Variants in SLC5A11 observed in about 807,000 individuals in gnomAD.
SLC5A11 encodes sodium/myo-inositol cotransporter 2.
A neutral mutation model predicts 69.8 loss-of-function variants in SLC5A11; 48 were observed. That is an observed-to-expected ratio of 0.69 (90% CI 0.55 to 0.87). The LOEUF is 0.87. Among genes scored for constraint, SLC5A11 ranks in the 40% least tolerant of loss-of-function variants. The probability of loss-of-function intolerance (pLI) is 0.00; values close to 1 mark genes in which losing one functional copy is unlikely to be tolerated. For synonymous variants in SLC5A11, 319 were observed against 342.4 expected (o/e 0.93, Z 0.75); for missense variants, 784 against 866.1 (o/e 0.91, Z 1.19).
intron 1 of SLC5A11, among the ~76,000 whole-genome samples, chr16:24,853,416 TAATA>T (rs1212141517): frequency 6.6e-6 from 1 of 152,170 alleles, no homozygotes; most frequent in African/African-American, 2.4e-5. Context: ...CGCTGGTGAC[TAATA>T]AATGTTCCAC....
intron 9 of SLC5A11, among the ~76,000 whole-genome samples, 194 bp downstream of exon 10, chr16:24,891,268 AGCT>A (rs1218522496): frequency 6.6e-6 from 1 of 150,862 alleles, no homozygotes; most frequent in Non-Finnish European, 1.5e-5. Context: ...ACAAATCCAA[AGCT>A]GCTGATATTT....
At chr16:24,855,170 G>GT (rs1391645347) in intron 1 of SLC5A11, among the ~76,000 whole-genome samples, 1 of 152,076 alleles carries the variant, frequency 6.6e-6, no homozygotes, top group Non-Finnish European at 1.5e-5. Context: ...GCTATGATCT[G>GT]ATTGTGCATG....
At chr16:24,903,105 G>C (rs533317791) in intron 10 of SLC5A11, among the ~76,000 whole-genome samples, 1 of 152,156 alleles carries the variant, frequency 6.6e-6, no homozygotes, top group African/African-American at 2.4e-5. Context: ...CAGCCCAGCA[G>C]TGGCTCCTGG....
chr16:24,911,234 C>T, intron 15 of SLC5A11, 94 bp from the exon 17 acceptor site: 1 of 1,214,028 alleles, frequency 8.2e-7, no homozygotes, highest in Non-Finnish European at 1.2e-6. Context: ...GCCTGTAATC[C>T]CAGCACTTGA....
At chr16:24,847,569 T>C (rs1411202456) in intron 1 of SLC5A11, among the ~76,000 whole-genome samples, 2 of 152,190 alleles carry the variant, frequency 1.3e-5, no homozygotes, top group Non-Finnish European at 2.9e-5. Flanking sequence ...TTGCCTTGGC[T>C]GGTCTCAATC....
At chr16:24,852,618 A>G (rs1188681712) in intron 1 of SLC5A11, among the ~76,000 whole-genome samples, 1 of 152,130 alleles carries the variant, frequency 6.6e-6, no homozygotes. Context: ...GCCAAACATC[A>G]CCATGCAAGG....
At chr16:24,889,799 C>T (rs569298845) in intron 8 of SLC5A11, among the ~76,000 whole-genome samples, 2 of 151,934 alleles carry the variant, frequency 1.3e-5, no homozygotes, top group Non-Finnish European at 2.9e-5. Flanking sequence ...TCGCCCACCT[C>T]GGCCTCCCAA....
chr16:24,894,600 G>C (rs1474609230), intron 9 of SLC5A11, among the ~76,000 whole-genome samples: 1 of 151,616 alleles, frequency 6.6e-6, no homozygotes, highest in Non-Finnish European at 1.5e-5. Context: ...AGGAGATCAA[G>C]ACCATCCTGG....
chr16:24,889,868 C>A (rs1016598193), intron 8 of SLC5A11, among the ~76,000 whole-genome samples: 1 of 152,042 alleles, frequency 6.6e-6, no homozygotes, highest in Non-Finnish European at 1.5e-5. Flanking sequence ...TTTAATGGAG[C>A]AAATAAATAA....
Position 24,898,363 on chromosome 16 carries a change from C to A in SLC5A11, c.1006+254C>A, listed in dbSNP as rs534376592. Among the ~76,000 whole-genome samples the A allele has an allele frequency of 2.1e-4, 32 of 152,048 alleles. No homozygotes were observed. The South Asian group carries it at 5.6e-3, about 27-fold the overall frequency. Reference sequence around the variant, plus strand: ...AGTAGCTGGGGCTACAGGTATGCACCATGATGCCTGGCTAATTTTTTGAAA... The same window carrying A: ...AGTAGCTGGGGCTACAGGTATGCACAATGATGCCTGGCTAATTTTTTGAAA... On this transcript the variant is annotated intron_variant, in intron 10 of 15. Coordinates refer to ENST00000347898, the Ensembl canonical transcript of SLC5A11.
intron 7 of SLC5A11, among the ~76,000 whole-genome samples, chr16:24,881,775 C>T (rs1480379339): frequency 6.6e-6 from 1 of 152,084 alleles, no homozygotes; most frequent in Non-Finnish European, 1.5e-5. Context: ...TATTCCACTC[C>T]AGGGGGTGCC....
intron 2 of SLC5A11, among the ~76,000 whole-genome samples, chr16:24,859,832 T>TTACTATAATAAACTA (rs1328389346): frequency 1.3e-5 from 2 of 152,232 alleles, no homozygotes; most frequent in Non-Finnish European, 2.9e-5. Flanking sequence ...TTCCAATCTC[T>TTACTATAATAAACTA]TACTATAATA....
At chr16:24,857,890 C>G (rs1235794689) in intron 1 of SLC5A11, among the ~76,000 whole-genome samples, 2 of 152,174 alleles carry the variant, frequency 1.3e-5, no homozygotes, top group African/African-American at 4.8e-5. Flanking sequence ...TCTCTGTCTA[C>G]CACAAGATTT....
chr16:24,847,234 C>A (rs543580233), intron 1 of SLC5A11, among the ~76,000 whole-genome samples: 1 of 141,832 alleles, frequency 7.1e-6, no homozygotes, highest in African/African-American at 2.6e-5. Flanking sequence ...CCCTTTCTTT[C>A]TCCTTCCTTC....
chr16:24,907,212 G>A (rs752900714), intron 12 of SLC5A11, 37 bp downstream of exon 13: 1 of 1,609,424 alleles, frequency 6.2e-7, no homozygotes, highest in African/African-American at 1.3e-5. Context: ...GCAGGGGGAA[G>A]AGAGAGCTGA....
intron 7 of SLC5A11, among the ~76,000 whole-genome samples, chr16:24,878,437 C>G (rs74015763): frequency 0.022 from 3,333 of 152,318 alleles, 114 homozygotes; most frequent in African/African-American, 0.076. Flanking sequence ...ATCTTCCACT[C>G]TATTTTCACC....
chr16:24,864,875 AG>A (rs1440724793), intron 3 of SLC5A11, among the ~76,000 whole-genome samples: 6 of 152,134 alleles, frequency 3.9e-5, no homozygotes, highest in African/African-American at 1.4e-4. Context: ...TACTCACTAG[AG>A]GGGTTCAACA....
intron 1 of SLC5A11, among the ~76,000 whole-genome samples, chr16:24,850,942 C>T (rs2152202700): frequency 6.6e-6 from 1 of 151,746 alleles, no homozygotes. Context: ...TCCCAAGTAG[C>T]TGGGATTACA....
rs1434398315 is a variant in SLC5A11, at chr16:24,901,926, A to AC, written c.1006+3817_1006+3818insC. Among the ~76,000 whole-genome samples, 192 of 132,144 alleles carry AC rather than the reference A, an allele frequency of 1.5e-3. 2 individuals carry two copies. The highest frequency in any genetic ancestry group is 5.4e-3 in the African/African-American group (183 of 34,160). 86.7% of individuals were successfully genotyped at this position (132,144 alleles called of 152,430 possible). A position where few individuals can be genotyped will look rare whatever the true frequency, so the allele number is the denominator to read the frequency against. Reference sequence around the variant, plus strand: ...ATGGCAAGATCCCATCTCTGGAAAAAAAAATACACACACACACACACACAC... The same window carrying AC: ...ATGGCAAGATCCCATCTCTGGAAAAACAAAATACACACACACACACACACAC... On this transcript the variant is annotated intron_variant, in intron 10 of 15. Coordinates refer to ENST00000347898, the Ensembl canonical transcript of SLC5A11.
Sources: gnomAD v4.1 joint callset for allele counts (sites outside exome capture counted in the v4.1 genomes callset) on GRCh38, gnomAD v4.1.1 for gene constraint, MANE v1.5 for transcripts, NCBI Gene and HGNC (gene_info 2026-07-23, HGNC 2026-07-21) for gene names.